The following FKBP9 variants were observed in gnomAD, a reference collection of about 807,000 sequenced individuals.
FKBP9 encodes FKBP prolyl isomerase 9.
In FKBP9, 27 loss-of-function variants were observed where a neutral mutation model predicts 55.6. The ratio of observed to expected loss-of-function variants is 0.49; its 90% CI spans 0.36 to 0.67. The LOEUF is 0.67. Ranked by LOEUF, FKBP9 falls within the 30% of genes least tolerant of loss-of-function variation. The pLI is 0.00. For missense variants in FKBP9, 539 were observed against 742.8 expected, an observed-to-expected ratio of 0.73 and a Z score of 3.19; for synonymous variants, 267 against 296.5, an observed-to-expected ratio of 0.90 and a Z score of 1.02.
chr7:33,005,429 A>G lies in FKBP9; in HGVS notation c.*78A>G. 6.5e-7 allele frequency: 1 copy of G among 1,531,186 alleles called. No individual in the cohort carries two copies. The highest frequency in any genetic ancestry group is 8.9e-7 in the Non-Finnish European group (1 of 1,121,650). The allele number at this position is 1,531,186 out of a possible 1,614,324, so 94.8% of individuals were successfully genotyped here. A position where few individuals can be genotyped will look rare whatever the true frequency, so the allele number is the denominator to read the frequency against. On this transcript the variant is annotated 3_prime_UTR_variant, in exon 10 of 10. Coordinates refer to ENST00000242209, the MANE Select transcript of FKBP9 (RefSeq NM_007270.5). ...GTGGCAAGACGTGCAGTGAGGGTGC[A>G]AGGGTCTCTCAGAAGTTGCATCATT... is the stretch of plus-strand genomic sequence containing the variant.
At chr7:32,971,684 G>C (rs1237642035) in intron 1 of FKBP9, among the ~76,000 whole-genome samples, 1 of 152,144 alleles carries the variant, frequency 6.6e-6, no homozygotes, top group Non-Finnish European at 1.5e-5. Context: ...ATTTCACAAT[G>C]TTGCCCAAGC....
chr7:32,982,299 T>C (rs1784493944), intron 5 of FKBP9, among the ~76,000 whole-genome samples: 1 of 152,088 alleles, frequency 6.6e-6, no homozygotes, highest in South Asian at 2.1e-4. Flanking sequence ...GGGATTATAG[T>C]CATGAGCCAC....
At chr7:32,980,269 A>C (rs1386665967) in intron 4 of FKBP9, 95 bp from the exon 5 acceptor site, 79 of 1,153,326 alleles carry the variant, frequency 6.8e-5, no homozygotes, top group Non-Finnish European at 9.4e-5. Context: ...TCAAAACCTC[A>C]AGAAATGAAT....
intron 8 of FKBP9, among the ~76,000 whole-genome samples, chr7:33,000,895 C>A (rs2127989193): frequency 6.6e-6 from 1 of 152,258 alleles, no homozygotes; most frequent in East Asian, 1.9e-4. Context: ...ATCTGCCCAC[C>A]TCAGTCTCCC....
chr7:32,965,835 ATATATATATG>A (rs1364771286), intron 1 of FKBP9, among the ~76,000 whole-genome samples: 1,455 of 42,478 alleles, frequency 0.034, 105 homozygotes, highest in East Asian at 0.29. Flanking sequence ...ATATATATAT[ATATATATATG>A]TGTGTACAGA....
chr7:32,999,609 C>T (rs949866695), intron 7 of FKBP9, among the ~76,000 whole-genome samples: 6 of 152,092 alleles, frequency 3.9e-5, no homozygotes, highest in East Asian at 3.9e-4. Context: ...TTTAAAACGT[C>T]CCTGTGAGAT....
rs1268322219 is a variant in FKBP9 at position 32,975,347 on chromosome 7, T to A, written c.533T>A (p.Leu178Gln). ...AGGTACCACTACAACGGGACGTTCC[T>A]GGACGGAACTCTGTTTGATTCGAGG... ...FVRYHYNGTF[L>Q]DGTLFDSSHN... Residue 178 changes from leucine to glutamine, a missense_variant, in exon 3 of 10, where the codon CTG becomes CAG. Around this residue, in one of 4 missense-constraint regions of FKBP9, gnomAD observed 236 missense variants for 271.5 expected, o/e 0.87. Coordinates refer to ENST00000242209, the MANE Select transcript of FKBP9 (RefSeq NM_007270.5). 6 of 1,614,012 alleles carry A rather than the reference T, an allele frequency of 3.7e-6. No individual in the cohort carries two copies. The highest frequency in any genetic ancestry group is 5.1e-6 in the Non-Finnish European group (6 of 1,179,850).
intron 4 of FKBP9, among the ~76,000 whole-genome samples, chr7:32,976,947 G>T (rs1173135538): frequency 6.6e-6 from 1 of 152,196 alleles, no homozygotes; most frequent in Non-Finnish European, 1.5e-5. Flanking sequence ...TTTGTGAAAT[G>T]AGACTTGAAT....
At chr7:32,980,945 T>C (rs1784465531) in intron 5 of FKBP9, among the ~76,000 whole-genome samples, 1 of 151,082 alleles carries the variant, frequency 6.6e-6, no homozygotes, top group Non-Finnish European at 1.5e-5. Flanking sequence ...CTTCATAGGC[T>C]CTTGTAACCA....
At chr7:32,979,516 G>C in intron 4 of FKBP9, 7 of 1,550,538 alleles carry the variant, frequency 4.5e-6, no homozygotes, top group Middle Eastern at 1.7e-4. Flanking sequence ...AGTGGAAGGA[G>C]CTCAGGCTTG....
chr7:32,988,184 A>C (rs1236363485), intron 5 of FKBP9, among the ~76,000 whole-genome samples: 1 of 152,166 alleles, frequency 6.6e-6, no homozygotes, highest in African/African-American at 2.4e-5. Context: ...ACCTTGCCTC[A>C]GAAAAAGAAA....
At chr7:32,988,247 C>T (rs1784612860) in intron 5 of FKBP9, among the ~76,000 whole-genome samples, 1 of 152,166 alleles carries the variant, frequency 6.6e-6, no homozygotes, top group Non-Finnish European at 1.5e-5. Context: ...TTCTCATAAC[C>T]CACACTGCAT....
intron 7 of FKBP9, 137 bp from the exon 8 acceptor site, chr7:32,999,978 G>A (rs1784901616): frequency 3.5e-6 from 3 of 853,958 alleles, no homozygotes; most frequent in Non-Finnish European, 5.6e-6. Flanking sequence ...GTTTTTGTCT[G>A]ATGTTTCCTC....
At chr7:32,966,734 G>T (rs904933763) in intron 1 of FKBP9, among the ~76,000 whole-genome samples, 1 of 152,056 alleles carries the variant, frequency 6.6e-6, no homozygotes, top group African/African-American at 2.4e-5. Context: ...TCAGCTTCTG[G>T]TGAGGACCTC....
intron 1 of FKBP9, among the ~76,000 whole-genome samples, chr7:32,965,034 G>A (rs12672919): frequency 0.068 from 10,331 of 152,172 alleles, 233 homozygotes; most frequent in East Asian, 0.18. Flanking sequence ...AGTGAGACAG[G>A]ACCAACTTTG....
At chr7:32,974,917 G>T in intron 2 of FKBP9, 155 bp downstream of exon 2, 1 of 709,438 alleles carries the variant, frequency 1.4e-6, no homozygotes, top group Non-Finnish European at 2.3e-6. Context: ...TCCATCTTAG[G>T]TTTATTTCTT....
chr7:33,001,368 C>T (rs1481197677), intron 8 of FKBP9, among the ~76,000 whole-genome samples: 1 of 152,016 alleles, frequency 6.6e-6, no homozygotes, highest in Non-Finnish European at 1.5e-5. Flanking sequence ...CAGGGTGAAA[C>T]CCCGTCTCTA....
At chr7:32,982,982 T>TTGTGTGTGTG (rs1420090054) in intron 5 of FKBP9, among the ~76,000 whole-genome samples, 3 of 77,834 alleles carry the variant, frequency 3.9e-5, no homozygotes, top group Non-Finnish European at 9.8e-5. Context: ...GGGTCAAAGG[T>TTGTGTGTGTG]TATGTGTGTG....
rs745717239 is a variant in FKBP9 at position 32,973,682 on chromosome 7, G to GTTTTTTTTTTTT, written c.222-920_222-909dup. On this transcript the variant is annotated intron_variant, in intron 1 of 9. Transcript: ENST00000242209. ...AGAAAATGAAATGAAGTTTTTTGTT[G>GTTTTTTTTTTTT]TTTTTTTTTTTTTTTTTTTTTTTTT... is the stretch of plus-strand genomic sequence containing the variant. 9.2e-5 allele frequency among the ~76,000 whole-genome samples: 6 copies of GTTTTTTTTTTTT among 64,982 alleles called. 1 individual carries two copies. Among genetic ancestry groups the GTTTTTTTTTTTT allele is most frequent in the Non-Finnish European group, 1.4e-4 (5 of 35,018 alleles). 42.6% of individuals were successfully genotyped at this position (64,982 alleles called of 152,430 possible).
Sources: allele counts gnomAD v4.1 joint callset (sites outside exome capture counted in the v4.1 genomes callset), GRCh38; gene constraint gnomAD v4.1.1; regional missense constraint gnomAD v4.1.1; transcripts MANE v1.5; gene names NCBI Gene and HGNC (gene_info 2026-07-23, HGNC 2026-07-21).